The following INPP4B variants were observed in gnomAD, a reference collection of about 807,000 sequenced individuals.
The protein encoded by INPP4B is inositol polyphosphate 4-phosphatase type II.
In INPP4B, 55 loss-of-function variants were observed where a neutral mutation model predicts 122.5. That is an observed-to-expected ratio of 0.45 (90% confidence interval 0.36 to 0.56). The LOEUF (loss-of-function observed/expected upper bound fraction) is 0.56, where lower values mean the gene tolerates loss of function less well. Ranked by LOEUF, INPP4B falls within the 20% of genes least tolerant of loss-of-function variation. The pLI is 0.00. For synonymous variants in INPP4B, 403 were observed against 388.7 expected, an observed-to-expected ratio of 1.04 and a Z score of -0.43; for missense variants, 1,000 against 1,097.7, an observed-to-expected ratio of 0.91 and a Z score of 1.26.
chr4:142,121,782 T>C (rs577776648), intron 21 of INPP4B, among the ~76,000 whole-genome samples: 1 of 152,274 alleles, frequency 6.6e-6, no homozygotes, highest in African/African-American at 2.4e-5. Flanking sequence ...TATGAGTCTA[T>C]TAACTGAACA....
chr4:142,101,846 A>T (rs2152647495), intron 23 of INPP4B, among the ~76,000 whole-genome samples: 1 of 152,248 alleles, frequency 6.6e-6, no homozygotes. Context: ...TTCTGGAAAA[A>T]TTATCTTGAT....
chr4:142,720,903 T>TGC (rs1475080369), intron 2 of INPP4B, among the ~76,000 whole-genome samples: 4 of 142,044 alleles, frequency 2.8e-5, no homozygotes, highest in African/African-American at 1.0e-4. Flanking sequence ...CGTGTGTGTG[T>TGC]GTGTGTGTGT....
At chr4:142,702,922 T>C (rs1011889140) in intron 2 of INPP4B, among the ~76,000 whole-genome samples, 18 of 152,162 alleles carry the variant, frequency 1.2e-4, no homozygotes, top group Non-Finnish European at 1.9e-4. Context: ...AGTGCTAATA[T>C]CTATCATGTT....
intron 8 of INPP4B, 98 bp downstream of exon 8, chr4:142,314,614 A>G: frequency 8.7e-7 from 1 of 1,143,284 alleles, no homozygotes; most frequent in Non-Finnish European, 1.3e-6. Context: ...ATGTAATTCA[A>G]TTTTATTTGT....
chr4:142,661,160 AC>A (rs769145850), intron 2 of INPP4B, among the ~76,000 whole-genome samples: 4 of 151,872 alleles, frequency 2.6e-5, no homozygotes, highest in Non-Finnish European at 5.9e-5. Flanking sequence ...CTCCCTTTTC[AC>A]CCAATAAAAC....
chr4:142,123,236 TTAAATG>T, intron 20 of INPP4B, 50 bp downstream of exon 20: 2 of 1,407,106 alleles, frequency 1.4e-6, no homozygotes, highest in Non-Finnish European at 1.9e-6. Flanking sequence ...AATTTCTGGA[TTAAATG>T]TCCTTCTGAA....
chr4:142,213,631 A>T (rs1203165987), intron 12 of INPP4B, among the ~76,000 whole-genome samples: 4 of 152,108 alleles, frequency 2.6e-5, no homozygotes, highest in Non-Finnish European at 2.9e-5. Flanking sequence ...CCCCATTCAC[A>T]TGTCTCTTGC....
intron 9 of INPP4B, among the ~76,000 whole-genome samples, chr4:142,292,624 T>C (rs1756921062): frequency 6.6e-6 from 1 of 152,204 alleles, no homozygotes; most frequent in Non-Finnish European, 1.5e-5. Context: ...TAAGGGAAGA[T>C]TAAAAAGTAC....
intron 2 of INPP4B, among the ~76,000 whole-genome samples, chr4:142,722,474 G>C (rs1192385294): frequency 6.6e-6 from 1 of 152,012 alleles, no homozygotes. Context: ...ACAATGCTGT[G>C]GTTTATAGTT....
At chr4:142,341,145 T>C (rs554352258) in intron 7 of INPP4B, among the ~76,000 whole-genome samples, 2 of 152,312 alleles carry the variant, frequency 1.3e-5, no homozygotes, top group South Asian at 4.1e-4. Flanking sequence ...CTTTCATCTC[T>C]CCTTTGACTT....
At position 142,431,241 on chromosome 4, in the gene INPP4B, C is replaced by G. The variant is rs749054385; in HGVS notation, c.19G>C (p.Gly7Arg). The stretch of plus-strand genomic sequence containing the variant: ...AAGTGCTGCCCTTCTTCTGATGCCC[C>G]TTCCTCTTTAATTTCCATGATCAAC... MEIKEE[G>R]ASEEGQHFLP... The change falls in exon 4 of 26, where the codon GGG becomes CGG. Residue 7 changes from glycine (G) to arginine (R), a missense_variant. By Grantham distance (125) the Gly-to-Arg change is moderately radical. Transcript: ENST00000262992. 1 of 1,613,206 alleles carries G rather than the reference C, an allele frequency of 6.2e-7. No individual in the cohort carries two copies. Among genetic ancestry groups the G allele is most frequent in the South Asian group, 1.1e-5 (1 of 91,058 alleles).
chr4:142,378,973 G>A (rs998058547), intron 7 of INPP4B, among the ~76,000 whole-genome samples: 1 of 152,142 alleles, frequency 6.6e-6, no homozygotes, highest in Non-Finnish European at 1.5e-5. Context: ...CCTGAGTGGG[G>A]TAGGGGGTGC....
intron 11 of INPP4B, among the ~76,000 whole-genome samples, chr4:142,245,069 G>GT (rs772527415): frequency 7.9e-5 from 12 of 151,288 alleles, no homozygotes; most frequent in East Asian, 1.9e-4. Flanking sequence ...TTTTGGATGG[G>GT]TTTTTTTTCT....
At chr4:142,842,275 C>T (rs998008953) in intron 1 of INPP4B, among the ~76,000 whole-genome samples, 5 of 151,446 alleles carry the variant, frequency 3.3e-5, no homozygotes, top group Non-Finnish European at 7.4e-5. Context: ...ACTCAAGAAA[C>T]TCAGTTTGAA....
At chr4:142,030,196 C>T in intron 25 of INPP4B, 1 of 1,535,530 alleles carries the variant, frequency 6.5e-7, no homozygotes, top group Non-Finnish European at 8.7e-7. Flanking sequence ...TGTGAGCTGA[C>T]AAGCAGCAAG....
chr4:142,451,317 C>A (rs1381307450), intron 3 of INPP4B, among the ~76,000 whole-genome samples: 1 of 126,994 alleles, frequency 7.9e-6, no homozygotes, highest in Non-Finnish European at 1.6e-5. Context: ...GTGGCATGAT[C>A]ACGACTCACT....
At chr4:142,669,012 C>A (rs558053466) in intron 2 of INPP4B, among the ~76,000 whole-genome samples, 4 of 151,966 alleles carry the variant, frequency 2.6e-5, no homozygotes, top group African/African-American at 9.7e-5. Flanking sequence ...GCGGAGATTG[C>A]GCCACTGTGC....
At chr4:142,062,733 C>A (rs939938515) in intron 25 of INPP4B, among the ~76,000 whole-genome samples, 2 of 144,524 alleles carry the variant, frequency 1.4e-5, no homozygotes, top group African/African-American at 2.5e-5. Flanking sequence ...AAGACTCCGT[C>A]CCCCCGCAAA....
chr4:142,758,365 C>T (rs988220080), intron 1 of INPP4B, among the ~76,000 whole-genome samples: 1 of 152,068 alleles, frequency 6.6e-6, no homozygotes, highest in African/African-American at 2.4e-5. Context: ...ATGAACATTA[C>T]CAGGCAAAAG....
Sources: allele counts gnomAD v4.1 joint callset (sites outside exome capture counted in the v4.1 genomes callset), GRCh38; gene constraint gnomAD v4.1.1; transcripts MANE v1.5; gene names NCBI Gene and HGNC (gene_info 2026-07-23, HGNC 2026-07-21).